CLASP1: variants seen among roughly 807,000 people sequenced by gnomAD.
The protein encoded by CLASP1 is CLIP-associating protein 1.
CLASP1 carries 38 observed loss-of-function variants against 192.3 expected under a neutral mutation model. The observed-to-expected ratio is 0.20, with a 90% CI of 0.15 to 0.26. The LOEUF is 0.26. Ranked by LOEUF, CLASP1 falls within the 10% of genes least tolerant of loss-of-function variation. The probability of loss-of-function intolerance (pLI) is 1.00; values close to 1 mark genes in which losing one functional copy is unlikely to be tolerated. For missense variants in CLASP1, 1,433 were observed against 1,932.5 expected (o/e 0.74, Z 4.85); for synonymous variants, 691 against 712.8 (o/e 0.97, Z 0.49).
At chr2:121,451,720 A>T in intron 15 of CLASP1, 70 bp downstream of exon 15, 1 of 1,210,848 alleles carries the variant, frequency 8.3e-7, no homozygotes, top group Non-Finnish European at 1.2e-6. Context: ...AGCCAGCTGG[A>T]CCACTCACCA....
At chr2:121,402,532 G>A in intron 26 of CLASP1, 1 of 508,408 alleles carries the variant, frequency 2.0e-6, no homozygotes, top group Non-Finnish European at 3.9e-6. Flanking sequence ...TCAGCTGTGG[G>A]ATTCCTGGCT....
intron 4 of CLASP1, 86 bp downstream of exon 4, chr2:121,528,591 C>T: frequency 1.0e-6 from 1 of 996,152 alleles, no homozygotes; most frequent in Non-Finnish European, 1.6e-6. Context: ...GGAGTCACAC[C>T]ATTTGTGCAA....
intron 39 of CLASP1, among the ~76,000 whole-genome samples, chr2:121,343,000 T>G (rs1322655707): frequency 6.6e-6 from 1 of 152,158 alleles, no homozygotes; most frequent in African/African-American, 2.4e-5. Context: ...TGGCCTCAAG[T>G]GACCCTGCCA....
intron 19 of CLASP1, among the ~76,000 whole-genome samples, chr2:121,435,015 T>C (rs1044379297): frequency 4.6e-5 from 7 of 151,772 alleles, no homozygotes; most frequent in African/African-American, 1.7e-4. Flanking sequence ...AAGTTTTAGA[T>C]TTCTCTCTTT....
intron 1 of CLASP1, among the ~76,000 whole-genome samples, chr2:121,645,462 ACTC>A (rs2106369561): frequency 6.6e-6 from 1 of 152,008 alleles, no homozygotes; most frequent in South Asian, 2.1e-4. Flanking sequence ...GCCTCTAACA[ACTC>A]CTCCAAAGCT....
intron 2 of CLASP1, chr2:121,530,961 C>G (rs757387857): frequency 1.0e-5 from 7 of 700,272 alleles, no homozygotes; most frequent in Non-Finnish European, 1.6e-5. Context: ...ACAACACACC[C>G]GCATCAACTA....
intron 1 of CLASP1, among the ~76,000 whole-genome samples, chr2:121,627,171 AGAG>A (rs1206150110): frequency 3.3e-5 from 5 of 152,244 alleles, no homozygotes; most frequent in Non-Finnish European, 4.4e-5. Context: ...CAGCAGGAAA[AGAG>A]GAGAAACAAC....
At chr2:121,557,835 CA>C (rs2058714855) in intron 2 of CLASP1, among the ~76,000 whole-genome samples, 2 of 151,744 alleles carry the variant, frequency 1.3e-5, no homozygotes, top group Non-Finnish European at 2.9e-5. Context: ...GTAATCCTAG[CA>C]CTTTGGGAGG....
intron 8 of CLASP1, among the ~76,000 whole-genome samples, chr2:121,500,774 C>T (rs944134914): frequency 9.2e-5 from 14 of 152,196 alleles, no homozygotes; most frequent in African/African-American, 3.4e-4. Context: ...ACAATTAAAA[C>T]AGTAATACTA....
intron 17 of CLASP1, 98 bp from the exon 18 acceptor site, chr2:121,448,423 CAG>C (rs1174230497): frequency 1.2e-5 from 14 of 1,154,240 alleles, no homozygotes; most frequent in Non-Finnish European, 1.8e-5. Context: ...AGAATTATTT[CAG>C]AGTTTTCAGA....
At chr2:121,367,301 A>G (rs1239465222) in intron 35 of CLASP1, among the ~76,000 whole-genome samples, 1 of 152,322 alleles carries the variant, frequency 6.6e-6, no homozygotes, top group East Asian at 1.9e-4. Flanking sequence ...CTGATGGTAG[A>G]GTTGGCCTTC....
At chr2:121,513,638 T>C (rs1372625326) in intron 7 of CLASP1, among the ~76,000 whole-genome samples, 4 of 152,164 alleles carry the variant, frequency 2.6e-5, no homozygotes, top group African/African-American at 9.7e-5. Context: ...TAGTCACAGC[T>C]GTGATTTTTT....
intron 37 of CLASP1, among the ~76,000 whole-genome samples, chr2:121,360,131 C>T (rs920208234): frequency 7.2e-5 from 11 of 152,174 alleles, no homozygotes; most frequent in African/African-American, 2.7e-4. Context: ...GGTAACGTCA[C>T]GCTGGCAAGA....
intron 1 of CLASP1, among the ~76,000 whole-genome samples, chr2:121,608,221 C>T (rs1169171515): frequency 6.6e-6 from 1 of 152,246 alleles, no homozygotes; most frequent in Non-Finnish European, 1.5e-5. Flanking sequence ...TACGGGAAAA[C>T]TTAAGAAACC....
chr2:121,554,055 A>G (rs1243646656), intron 2 of CLASP1, among the ~76,000 whole-genome samples: 1 of 151,804 alleles, frequency 6.6e-6, no homozygotes, highest in African/African-American at 2.4e-5. Flanking sequence ...CTCTTTAAAA[A>G]AAAAAAAAAA....
intron 31 of CLASP1, 82 bp downstream of exon 32, chr2:121,387,681 T>G: frequency 7.4e-7 from 1 of 1,360,134 alleles, no homozygotes; most frequent in Non-Finnish European, 1.0e-6. Flanking sequence ...AAACGGGGTA[T>G]TCTATTAGAG....
intron 3 of CLASP1, 27 bp downstream of exon 3, chr2:121,530,220 G>A: frequency 6.5e-7 from 1 of 1,541,224 alleles, no homozygotes; most frequent in Non-Finnish European, 8.8e-7. Context: ...AAGGGGCCGG[G>A]TCCGCTCCAC....
chr2:121,399,487 T>C (rs2075824210), intron 28 of CLASP1, among the ~76,000 whole-genome samples: 1 of 152,154 alleles, frequency 6.6e-6, no homozygotes, highest in African/African-American at 2.4e-5. Context: ...AAATACGCCA[T>C]TGTTAGGCAC....
At chr2:121,482,999 C>T (rs978124088) in intron 8 of CLASP1, among the ~76,000 whole-genome samples, 1 of 152,166 alleles carries the variant, frequency 6.6e-6, no homozygotes, top group Non-Finnish European at 1.5e-5. Flanking sequence ...GTCCTCTAGT[C>T]CCCTCCATCA....
Sources: allele counts gnomAD v4.1 joint callset (sites outside exome capture counted in the v4.1 genomes callset), GRCh38; gene constraint gnomAD v4.1.1; transcripts MANE v1.5; gene names NCBI Gene and HGNC (gene_info 2026-07-23, HGNC 2026-07-21).